Variants in CACNG2 observed in about 807,000 individuals in gnomAD.
CACNG2 encodes calcium voltage-gated channel auxiliary subunit gamma 2.
In CACNG2, 3 loss-of-function variants were observed where a neutral mutation model predicts 25.9. The ratio of observed to expected loss-of-function variants is 0.12; its 90% confidence interval spans 0.05 to 0.30. The LOEUF is 0.30. CACNG2 is among the 10% of genes least tolerant of loss of function. CACNG2 has a pLI of 1.00. For synonymous variants in CACNG2, 167 were observed against 173.3 expected (o/e 0.96, Z 0.29); for missense variants, 341 against 432.5 (o/e 0.79, Z 1.88).
intron 1 of CACNG2, among the ~76,000 whole-genome samples, chr22:36,629,543 T>TGAGA (rs377251099): frequency 6.6e-6 from 1 of 151,318 alleles, no homozygotes; most frequent in African/African-American, 2.4e-5. Flanking sequence ...TGTGTGTGTG[T>TGAGA]GAGAGAGAGA....
rs11381245 is a variant in CACNG2, at chr22:36,588,986, CT to C, written c.212-1439del. ...AATTTTACGGTATTATTACATATACCTTTTTTTTTTTTTTTTCCCCCTGAAA... is the reference window on the plus strand; with the variant it reads ...AATTTTACGGTATTATTACATATACCTTTTTTTTTTTTTTTCCCCCTGAAA... On this transcript the variant is annotated intron_variant, in intron 1 of 3. Coordinates refer to ENST00000300105, the MANE Select transcript of CACNG2 (RefSeq NM_006078.5). Among the ~76,000 whole-genome samples, 281 of 129,180 alleles carry C rather than the reference CT, an allele frequency of 2.2e-3. 2 individuals are homozygous for C. Among genetic ancestry groups the C allele is most frequent in the East Asian group, 7.4e-3 (34 of 4,580 alleles). 84.7% of individuals were successfully genotyped at this position (129,180 alleles called of 152,430 possible).
chr22:36,649,634 G>C (rs1936577804), intron 1 of CACNG2, among the ~76,000 whole-genome samples: 1 of 152,112 alleles, frequency 6.6e-6, no homozygotes, highest in Non-Finnish European at 1.5e-5. Context: ...GTCCCCAACT[G>C]AATCTCATCT....
chr22:36,579,805 C>T (rs970725767), intron 2 of CACNG2, among the ~76,000 whole-genome samples: 9 of 152,236 alleles, frequency 5.9e-5, no homozygotes, highest in African/African-American at 2.2e-4. Flanking sequence ...AGGATATATG[C>T]ACCTCCCAAG....
intron 1 of CACNG2, among the ~76,000 whole-genome samples, chr22:36,626,665 A>G (rs1936187891): frequency 1.3e-5 from 2 of 152,174 alleles, no homozygotes; most frequent in African/African-American, 4.8e-5. Flanking sequence ...GAGTCGAGTC[A>G]TATTTTGGTT....
At chr22:36,692,632 T>A (rs1263372292) in intron 1 of CACNG2, among the ~76,000 whole-genome samples, 1 of 152,206 alleles carries the variant, frequency 6.6e-6, no homozygotes, top group Non-Finnish European at 1.5e-5. Flanking sequence ...AAAGCCCATC[T>A]CCTTCACTAG....
chr22:36,649,004 C>G (rs1936569405), intron 1 of CACNG2, among the ~76,000 whole-genome samples: 1 of 152,212 alleles, frequency 6.6e-6, no homozygotes, highest in Admixed American at 6.5e-5. Context: ...CCCATGTCTC[C>G]AAGAAAAATA....
chr22:36,665,234 G>A (rs2145987696), intron 1 of CACNG2, among the ~76,000 whole-genome samples: 1 of 152,330 alleles, frequency 6.6e-6, no homozygotes, highest in East Asian at 1.9e-4. Context: ...TGACGAGTGT[G>A]TGGGCCCTGG....
intron 1 of CACNG2, among the ~76,000 whole-genome samples, chr22:36,587,974 C>T (rs568444315): frequency 3.9e-5 from 6 of 152,362 alleles, no homozygotes; most frequent in South Asian, 2.1e-4. Flanking sequence ...GGACACACCC[C>T]GCACTGGTGC....
At chr22:36,689,891 G>T (rs1937247292) in intron 1 of CACNG2, among the ~76,000 whole-genome samples, 1 of 152,232 alleles carries the variant, frequency 6.6e-6, no homozygotes, top group Non-Finnish European at 1.5e-5. Context: ...ATGGGTGAGC[G>T]TCTCTCTCTT....
rs531547151 is a variant in CACNG2, at chr22:36,653,977, T to C, written c.211+48389A>G. ...CAGTGTGTTTGTGTGTGTGTGTGTG[T>C]GTCTCTGTGTGTGTGTGTGTGTGTG... On this transcript the variant is annotated intron_variant, in intron 1 of 3. Transcript: ENST00000300105. Among the ~76,000 whole-genome samples, 428 of 96,812 alleles carry C rather than the reference T, an allele frequency of 4.4e-3. 3 individuals are homozygous for C. Among genetic ancestry groups the C allele is most frequent in the African/African-American group, 0.021 (402 of 19,532 alleles). The allele number at this position is 96,812 out of a possible 152,430, so 63.5% of individuals were successfully genotyped here. A position where few individuals can be genotyped will look rare whatever the true frequency, so the allele number is the denominator to read the frequency against.
chr22:36,611,234 C>G (rs1230841666), intron 1 of CACNG2, among the ~76,000 whole-genome samples: 2 of 152,088 alleles, frequency 1.3e-5, no homozygotes, highest in Non-Finnish European at 2.9e-5. Flanking sequence ...TAGATTCGGG[C>G]TCAAGGGCAC....
chr22:36,631,325 T>C (rs1438950222), intron 1 of CACNG2, among the ~76,000 whole-genome samples: 1 of 152,108 alleles, frequency 6.6e-6, no homozygotes, highest in East Asian at 1.9e-4. Flanking sequence ...GGAGATGTGG[T>C]GTGTCACTTC....
intron 1 of CACNG2, among the ~76,000 whole-genome samples, chr22:36,682,461 AC>A (rs1386768509): frequency 6.6e-6 from 1 of 151,696 alleles, no homozygotes; most frequent in Non-Finnish European, 1.5e-5. Flanking sequence ...TTCTTTTCAA[AC>A]ATTTCCTTTT....
At chr22:36,591,174 C>G (rs1569022719) in intron 1 of CACNG2, among the ~76,000 whole-genome samples, 1 of 151,716 alleles carries the variant, frequency 6.6e-6, no homozygotes, top group Non-Finnish European at 1.5e-5. Context: ...GTAGCTGGAA[C>G]TACAGGCGCC....
In CACNG2 at chr22:36,602,718, G is replaced by C. The variant is rs1173617031; in HGVS notation, c.212-15170C>G. The stretch of plus-strand genomic sequence containing the variant: ...TCATTATTATTACATCTGTTATGGC[G>C]ATCTGTGATCAGTGATCTTGGATGT... On this transcript the variant is annotated intron_variant, in intron 1 of 3. Coordinates refer to ENST00000300105, the MANE Select transcript of CACNG2 (RefSeq NM_006078.5). Among the ~76,000 whole-genome samples the C allele has an allele frequency of 3.3e-5, 5 of 152,180 alleles. No homozygotes were observed. In the East Asian group the frequency reaches 7.7e-4, roughly 23 times the overall value.
intron 1 of CACNG2, among the ~76,000 whole-genome samples, chr22:36,670,077 C>T (rs184382138): frequency 3.3e-5 from 5 of 152,276 alleles, no homozygotes; most frequent in African/African-American, 1.2e-4. Context: ...TGCCTCAGCC[C>T]TGATCTAACT....
At chr22:36,664,979 C>G (rs1936854698) in intron 1 of CACNG2, among the ~76,000 whole-genome samples, 1 of 152,060 alleles carries the variant, frequency 6.6e-6, no homozygotes, top group Non-Finnish European at 1.5e-5. Flanking sequence ...CAGGCTGGTG[C>G]CCAGAGGAAG....
At chr22:36,624,811 C>T (rs1317993929) in intron 1 of CACNG2, among the ~76,000 whole-genome samples, 2 of 151,910 alleles carry the variant, frequency 1.3e-5, no homozygotes, top group African/African-American at 4.8e-5. Context: ...AGGCAGATCA[C>T]GAGGTCAGGA....
At chr22:36,594,691 CTG>C (rs781446425) in intron 1 of CACNG2, among the ~76,000 whole-genome samples, 7 of 151,150 alleles carry the variant, frequency 4.6e-5, no homozygotes, top group African/African-American at 1.2e-4. Context: ...GCGTGTGTGT[CTG>C]TGTGTGTGTC....
Sources: gnomAD v4.1 joint callset for allele counts (sites outside exome capture counted in the v4.1 genomes callset) on GRCh38, gnomAD v4.1.1 for gene constraint, MANE v1.5 for transcripts, NCBI Gene and HGNC (gene_info 2026-07-23, HGNC 2026-07-21) for gene names.